CDH13: variants seen among roughly 807,000 people sequenced by gnomAD.
CDH13 encodes cadherin 13.
Under a neutral mutation model 63.8 loss-of-function variants are expected in CDH13, and 24 were observed. The observed-to-expected ratio is 0.38, with a 90% CI of 0.27 to 0.53. The LOEUF is 0.53. Among genes scored for constraint, CDH13 ranks in the 20% least tolerant of loss-of-function variants. The pLI is 0.85. For missense variants in CDH13, 1,049 were observed against 903.1 expected (o/e 1.16, Z -2.07); for synonymous variants, 503 against 355.3 (o/e 1.42, Z -4.67).
At chr16:83,510,875 G>T (rs2074540641) in intron 7 of CDH13, among the ~76,000 whole-genome samples, 2 of 152,216 alleles carry the variant, frequency 1.3e-5, no homozygotes, top group African/African-American at 4.8e-5. Flanking sequence ...CAGTAATGTA[G>T]GTCAGTGCAT....
intron 2 of CDH13, among the ~76,000 whole-genome samples, chr16:82,913,368 G>C (rs972449895): frequency 2.5e-4 from 38 of 152,142 alleles, no homozygotes; most frequent in African/African-American, 9.2e-4. Flanking sequence ...CGTTCAGCCA[G>C]GTGCATGTTT....
chr16:83,188,530 C>A (rs1365722160), intron 4 of CDH13, among the ~76,000 whole-genome samples: 2 of 152,106 alleles, frequency 1.3e-5, no homozygotes, highest in Non-Finnish European at 2.9e-5. Context: ...GAAACTGAAG[C>A]TCAGAGACAT....
At chr16:83,339,816 A>G (rs2090682644) in intron 5 of CDH13, among the ~76,000 whole-genome samples, 1 of 152,226 alleles carries the variant, frequency 6.6e-6, no homozygotes, top group African/African-American at 2.4e-5. Context: ...GGAAACCACT[A>G]GCACTAGAAT....
chr16:82,671,939 G>C (rs1420365372), intron 1 of CDH13, among the ~76,000 whole-genome samples: 1 of 152,136 alleles, frequency 6.6e-6, no homozygotes, highest in Non-Finnish European at 1.5e-5. Flanking sequence ...TACAGAAGGA[G>C]GTCTTTGTTT....
intron 1 of CDH13, among the ~76,000 whole-genome samples, chr16:82,856,385 A>AAAAAAAAAAAAAAAG: frequency 1.0e-5 from 1 of 95,268 alleles, no homozygotes; most frequent in East Asian, 2.6e-4. Flanking sequence ...AAAAAAAAAA[A>AAAAAAAAAAAAAAAG]AAAAGAAAAG....
intron 2 of CDH13, among the ~76,000 whole-genome samples, chr16:82,883,312 C>A (rs1214992231): frequency 6.6e-6 from 1 of 152,158 alleles, no homozygotes; most frequent in African/African-American, 2.4e-5. Flanking sequence ...TCATCCCCAC[C>A]ATCACATCAT....
chr16:83,035,109 G>T (rs180887975), intron 3 of CDH13, among the ~76,000 whole-genome samples: 203 of 152,076 alleles, frequency 1.3e-3, no homozygotes, highest in Admixed American at 4.2e-3. Context: ...AAAATAAAAA[G>T]AAAATGAAGG....
At chr16:83,362,238 T>C (rs913065990) in intron 6 of CDH13, among the ~76,000 whole-genome samples, 1 of 152,164 alleles carries the variant, frequency 6.6e-6, no homozygotes, top group Non-Finnish European at 1.5e-5. Flanking sequence ...TCCACGCACA[T>C]CCACATATTC....
intron 1 of CDH13, among the ~76,000 whole-genome samples, chr16:82,750,581 A>C (rs891135297): frequency 6.6e-6 from 1 of 152,216 alleles, no homozygotes; most frequent in African/African-American, 2.4e-5. Flanking sequence ...AGCTGAGCCC[A>C]TTTTTGTTCA....
At chr16:83,050,181 C>A (rs2030143409) in intron 3 of CDH13, among the ~76,000 whole-genome samples, 1 of 152,102 alleles carries the variant, frequency 6.6e-6, no homozygotes. Flanking sequence ...CAGACCCGGG[C>A]CTCCTTCTGC....
intron 1 of CDH13, among the ~76,000 whole-genome samples, chr16:82,806,650 G>A (rs1478260708): frequency 6.6e-6 from 1 of 152,096 alleles, no homozygotes; most frequent in Admixed American, 6.6e-5. Context: ...GAATAATGGT[G>A]GGATTTTTGT....
intron 2 of CDH13, among the ~76,000 whole-genome samples, chr16:83,011,584 C>G (rs1483335423): frequency 3.9e-5 from 6 of 152,304 alleles, no homozygotes; most frequent in Non-Finnish European, 7.3e-5. Context: ...AACGTGGCTC[C>G]TGTACCAGGT....
chr16:83,178,226 G>A (rs960044217), intron 4 of CDH13, among the ~76,000 whole-genome samples: 1 of 152,080 alleles, frequency 6.6e-6, no homozygotes, highest in Admixed American at 6.5e-5. Flanking sequence ...AGGCCGTCCT[G>A]TGCTTATAAA....
intron 3 of CDH13, among the ~76,000 whole-genome samples, chr16:83,063,221 C>G (rs975486139): frequency 6.6e-6 from 1 of 152,144 alleles, no homozygotes; most frequent in Non-Finnish European, 1.5e-5. Flanking sequence ...CTCAGCCTCC[C>G]AAAGTGCTGG....
chr16:83,777,401 A>G lies in CDH13; in HGVS notation c.1682-2567A>G, dbSNP rs77189016. Among the ~76,000 whole-genome samples the G allele has an allele frequency of 9.5e-3, 1,448 of 152,314 alleles. 19 individuals are homozygous for G. The highest frequency in any genetic ancestry group is 0.033 in the African/African-American group (1,378 of 41,574). On this transcript the variant is annotated intron_variant, in intron 11 of 13. Coordinates refer to ENST00000567109, the MANE Select transcript of CDH13 (RefSeq NM_001257.5). Reference sequence around the variant, plus strand: ...GCATGTAGAGCCACATGGGGAGGGTATGACCTGCAGCTGCGCTGAGTCTTG... The same window carrying G: ...GCATGTAGAGCCACATGGGGAGGGTGTGACCTGCAGCTGCGCTGAGTCTTG...
chr16:83,269,314 T>A (rs1011866169), intron 5 of CDH13, among the ~76,000 whole-genome samples: 4 of 152,190 alleles, frequency 2.6e-5, no homozygotes, highest in African/African-American at 4.8e-5. Flanking sequence ...TCACCACAGC[T>A]TTGTATTACA....
At chr16:83,248,031 A>G (rs1441271071) in intron 5 of CDH13, among the ~76,000 whole-genome samples, 1 of 152,154 alleles carries the variant, frequency 6.6e-6, no homozygotes, top group Non-Finnish European at 1.5e-5. Context: ...AGAAGGCAAG[A>G]TGAATCTGGA....
chr16:82,820,336 C>T (rs1460048170), intron 1 of CDH13, among the ~76,000 whole-genome samples: 1 of 152,116 alleles, frequency 6.6e-6, no homozygotes, highest in East Asian at 1.9e-4. Context: ...ATGTGGTGCC[C>T]TGGTAATGCC....
chr16:82,652,524 C>T (rs8051643), intron 1 of CDH13, among the ~76,000 whole-genome samples: 1 of 152,114 alleles, frequency 6.6e-6, no homozygotes. Context: ...GATTACAGCC[C>T]ATACTTAAGC....
Sources: allele counts gnomAD v4.1 joint callset (sites outside exome capture counted in the v4.1 genomes callset), GRCh38; gene constraint gnomAD v4.1.1; transcripts MANE v1.5; gene names NCBI Gene and HGNC (gene_info 2026-07-23, HGNC 2026-07-21).